The following NCK2 variants were observed in gnomAD, a reference collection of about 807,000 sequenced individuals.
The protein encoded by NCK2 is NCK adaptor protein 2, also known as cytoplasmic protein NCK2.
Under a neutral mutation model 33.9 loss-of-function variants are expected in NCK2, and 16 were observed. That is an observed-to-expected ratio of 0.47 (90% CI 0.32 to 0.72). The LOEUF (loss-of-function observed/expected upper bound fraction) is 0.72, where lower values mean the gene tolerates loss of function less well. Ranked by LOEUF, NCK2 falls within the 30% of genes least tolerant of loss-of-function variation. The pLI is 0.03. For synonymous variants in NCK2, 273 were observed against 239.9 expected (o/e 1.14, Z -1.27); for missense variants, 418 against 537.3 (o/e 0.78, Z 2.19).
intron 2 of NCK2, among the ~76,000 whole-genome samples, chr2:105,853,196 G>T (rs2104578693): frequency 6.6e-6 from 1 of 152,226 alleles, no homozygotes; most frequent in Admixed American, 6.5e-5. Context: ...GAAATGTCTA[G>T]TTAGTTTAAG....
chr2:105,761,846 C>T (rs1264545853), intron 1 of NCK2, among the ~76,000 whole-genome samples: 3 of 152,240 alleles, frequency 2.0e-5, no homozygotes, highest in African/African-American at 7.2e-5. Flanking sequence ...GGCCCCTGTA[C>T]TCCAGCCTAT....
rs1674997869 is a variant in NCK2 at position 105,805,496 on chromosome 2, G to T, written c.-200-10934G>T. The stretch of plus-strand genomic sequence containing the variant: ...ATAAGTTAAATTTTTATAACTATTA[G>T]CCTTTTAAAATTTCATTTATTTTTA... On this transcript the variant is annotated intron_variant, in intron 1 of 4. Coordinates refer to ENST00000233154, the MANE Select transcript of NCK2 (RefSeq NM_003581.5). 1.8e-4 allele frequency among the ~76,000 whole-genome samples: 28 copies of T among 151,936 alleles called. 1 individual carries two copies. Among genetic ancestry groups the T allele is most frequent in the Admixed American group, 1.8e-3 (28 of 15,240 alleles).
At position 105,830,693 on chromosome 2, in the gene NCK2, G is replaced by GTGTGTGTGTGTA. The variant is rs1553458062; in HGVS notation, c.-17+14091_-17+14092insATGTGTGTGTGT. On this transcript the variant is annotated intron_variant, in intron 2 of 4. Coordinates refer to ENST00000233154, the MANE Select transcript of NCK2 (RefSeq NM_003581.5). The stretch of plus-strand genomic sequence containing the variant: ...TTGGTGTGTGTGTGTGTGTGTGTGT[G>GTGTGTGTGTGTA]TGTGTGTGTGTGTGTGTGTGTGTTT... 2.6e-3 allele frequency among the ~76,000 whole-genome samples: 384 copies of GTGTGTGTGTGTA among 148,028 alleles called. 2 individuals are homozygous for GTGTGTGTGTGTA. Among genetic ancestry groups the GTGTGTGTGTGTA allele is most frequent in the East Asian group, 0.01 (51 of 5,038 alleles).
intron 1 of NCK2, among the ~76,000 whole-genome samples, chr2:105,814,472 G>A (rs559040916): frequency 5.3e-5 from 8 of 152,292 alleles, no homozygotes; most frequent in African/African-American, 1.9e-4. Context: ...GAGAGGCCGT[G>A]TTCTGACTTG....
At chr2:105,798,225 G>C (rs1170218318) in intron 1 of NCK2, among the ~76,000 whole-genome samples, 1 of 152,206 alleles carries the variant, frequency 6.6e-6, no homozygotes, top group Admixed American at 6.5e-5. Flanking sequence ...ATTTGAAAGA[G>C]TAACGTGTAG....
intron 1 of NCK2, among the ~76,000 whole-genome samples, chr2:105,773,816 G>A (rs1482981287): frequency 6.6e-6 from 1 of 152,182 alleles, no homozygotes; most frequent in African/African-American, 2.4e-5. Context: ...GCTGCCTGGA[G>A]AATCGGTAGT....
At chr2:105,887,548 A>G (rs1678767543) in intron 4 of NCK2, among the ~76,000 whole-genome samples, 1 of 152,222 alleles carries the variant, frequency 6.6e-6, no homozygotes, top group Non-Finnish European at 1.5e-5. Context: ...AAAGTGAAAG[A>G]TAAGGAGAAG....
intron 1 of NCK2, among the ~76,000 whole-genome samples, chr2:105,779,703 T>C (rs573481797): frequency 8.5e-5 from 13 of 152,246 alleles, no homozygotes; most frequent in East Asian, 3.9e-4. Flanking sequence ...TTTTTTTTTT[T>C]CCCACTAATC....
At chr2:105,852,903 G>A (rs1387231384) in intron 2 of NCK2, among the ~76,000 whole-genome samples, 1 of 152,044 alleles carries the variant, frequency 6.6e-6, no homozygotes, top group Non-Finnish European at 1.5e-5. Context: ...CTTGAATATT[G>A]TATATATTAT....
At chr2:105,880,331 T>A (rs1410718527) in intron 3 of NCK2, among the ~76,000 whole-genome samples, 1 of 152,152 alleles carries the variant, frequency 6.6e-6, no homozygotes, top group Admixed American at 6.5e-5. Context: ...TATGAAAAAA[T>A]TTGCCTTCGA....
At chr2:105,757,573 A>T (rs767612614) in intron 1 of NCK2, among the ~76,000 whole-genome samples, 1 of 152,130 alleles carries the variant, frequency 6.6e-6, no homozygotes, top group Non-Finnish European at 1.5e-5. Context: ...CCTACATAGG[A>T]CCAGCCATGG....
chr2:105,798,925 C>G (rs1052104941), intron 1 of NCK2, among the ~76,000 whole-genome samples: 9 of 152,224 alleles, frequency 5.9e-5, no homozygotes, highest in African/African-American at 1.7e-4. Flanking sequence ...ATCACACTTT[C>G]TGATCTCCAG....
intron 2 of NCK2, among the ~76,000 whole-genome samples, chr2:105,840,629 GTC>G (rs1347772975): frequency 6.6e-6 from 1 of 152,190 alleles, no homozygotes; most frequent in African/African-American, 2.4e-5. Context: ...CCAGTTGCAC[GTC>G]CCAGGTTGTT....
chr2:105,874,252 G>A (rs930022097), intron 3 of NCK2, among the ~76,000 whole-genome samples: 1 of 152,176 alleles, frequency 6.6e-6, no homozygotes, highest in Non-Finnish European at 1.5e-5. Flanking sequence ...TAAAAAAGTA[G>A]ATGCAAATTA....
chr2:105,881,357 G>GCGCGGGATGCGTCCCCCACGCCCAGCA lies in NCK2; in HGVS notation c.259_285dup (p.Arg87_Thr95dup). ...CGGCAAGACGCGCAGGAAGACCAGC[G>GCGCGGGATGCGTCCCCCACGCCCAGCA]CGCGGGATGCGTCCCCCACGCCCAG... On this transcript the variant is annotated inframe_insertion, in exon 4 of 5. Transcript: ENST00000233154. The GCGCGGGATGCGTCCCCCACGCCCAGCA allele has an allele frequency of 6.2e-7, 1 of 1,605,320 alleles. No homozygotes were observed.
chr2:105,821,264 A>G (rs1675724500), intron 2 of NCK2, among the ~76,000 whole-genome samples: 1 of 152,198 alleles, frequency 6.6e-6, no homozygotes, highest in Non-Finnish European at 1.5e-5. Flanking sequence ...CAGGTTATTT[A>G]GAAAGATTTT....
chr2:105,792,030 G>C (rs1393476278), intron 1 of NCK2, among the ~76,000 whole-genome samples: 1 of 152,170 alleles, frequency 6.6e-6, no homozygotes, highest in Non-Finnish European at 1.5e-5. Context: ...TGATTGTGTT[G>C]TGGGCTCTGC....
At position 105,864,828 on chromosome 2, in the gene NCK2, TACACACACACAC is replaced by T. The variant is rs10524426; in HGVS notation, c.226+9574_226+9585del. On this transcript the variant is annotated intron_variant, in intron 3 of 4. Coordinates refer to ENST00000233154, the MANE Select transcript of NCK2 (RefSeq NM_003581.5). ...GTAACCTCTAGCTCACATGTGCATGTACACACACACACACACACACACACACACACACACACA... is the reference window on the plus strand; with the variant it reads ...GTAACCTCTAGCTCACATGTGCATGTACACACACACACACACACACACACA... Among the ~76,000 whole-genome samples the T allele has an allele frequency of 2.7e-3, 388 of 144,336 alleles. 1 individual carries two copies. The highest frequency in any genetic ancestry group is 3.6e-3 in the East Asian group (18 of 5,006). 94.7% of individuals were successfully genotyped at this position (144,336 alleles called of 152,430 possible).
At position 105,893,088 on chromosome 2, in the gene NCK2, T is replaced by C; in HGVS notation, c.1055T>C (p.Met352Thr). 6.2e-7 allele frequency: 1 copy of C among 1,614,076 alleles called. No individual in the cohort carries two copies. The highest frequency in any genetic ancestry group is 8.5e-7 in the Non-Finnish European group (1 of 1,179,982). The change falls in exon 5 of 5, where the codon ATG becomes ACG. Residue 352 changes from methionine (M) to threonine (T), a missense_variant. By Grantham distance (81) the Met-to-Thr change is moderately conservative. Transcript: ENST00000233154. ...ATTGGGCAGCGGCGCTTCCACACCA[T>C]GGACGAGCTGGTGGAACACTACAAA... is the stretch of plus-strand genomic sequence containing the variant. The part of the protein sequence containing the change: ...YCIGQRRFHT[M>T]DELVEHYKKA...
Sources: allele counts gnomAD v4.1 joint callset (sites outside exome capture counted in the v4.1 genomes callset), GRCh38; gene constraint gnomAD v4.1.1; transcripts MANE v1.5; gene names NCBI Gene and HGNC (gene_info 2026-07-23, HGNC 2026-07-21).